GLIS3: variants seen among roughly 807,000 people sequenced by gnomAD.
The protein encoded by GLIS3 is zinc finger protein GLIS3.
In GLIS3, 53 loss-of-function variants were observed where a neutral mutation model predicts 78.6. The observed-to-expected ratio is 0.67, with a 90% CI of 0.54 to 0.85. The LOEUF is 0.85. Ranked by LOEUF, GLIS3 falls within the 40% of genes least tolerant of loss-of-function variation. The pLI is 0.00. For missense variants in GLIS3, 1,703 were observed against 1,231.1 expected, an observed-to-expected ratio of 1.38 and a Z score of -5.74; for synonymous variants, 684 against 509.9, an observed-to-expected ratio of 1.34 and a Z score of -4.60.
chr9:3,949,352 T>C (rs1816514245), intron 4 of GLIS3, among the ~76,000 whole-genome samples: 1 of 152,216 alleles, frequency 6.6e-6, no homozygotes, highest in South Asian at 2.1e-4. Flanking sequence ...TAACTAACTA[T>C]ACTTCTCAAA....
the GLIS3 span, among the ~76,000 whole-genome samples, chr9:4,362,356 G>T: frequency 2.6e-5 from 4 of 152,164 alleles, no homozygotes; most frequent in Non-Finnish European, 5.9e-5. Flanking sequence ...TGCACAACTG[G>T]AAATTATAAA....
At chr9:3,882,572 C>A (rs1479422455) in intron 7 of GLIS3, among the ~76,000 whole-genome samples, 1 of 152,150 alleles carries the variant, frequency 6.6e-6, no homozygotes, top group Non-Finnish European at 1.5e-5. Context: ...GGGCTGAGGG[C>A]TCCAGAATAT....
intron 2 of GLIS3, among the ~76,000 whole-genome samples, chr9:4,176,796 G>C (rs1317201681): frequency 6.6e-6 from 1 of 152,190 alleles, no homozygotes; most frequent in Non-Finnish European, 1.5e-5. Context: ...GCTCATTTTT[G>C]TATTTTTAGT....
Position 3,905,401 on chromosome 9 carries a change from T to C in GLIS3, c.1984-6566A>G, listed in dbSNP as rs371694222. 9.9e-5 allele frequency among the ~76,000 whole-genome samples: 15 copies of C among 152,268 alleles called. No homozygotes were observed. In the East Asian group the frequency reaches 1.5e-3, roughly 16 times the overall value. ...AGTCTCTAGCATACCTTATCACCAC[T>C]GTGTATATTCTGACACCATGCCCTT... On this transcript the variant is annotated intron_variant, in intron 6 of 10. Coordinates refer to ENST00000381971, the MANE Select transcript of GLIS3 (RefSeq NM_001042413.2).
chr9:3,946,766 A>G (rs1301131231), intron 4 of GLIS3, among the ~76,000 whole-genome samples: 1 of 152,222 alleles, frequency 6.6e-6, no homozygotes, highest in African/African-American at 2.4e-5. Flanking sequence ...GCAATAATTC[A>G]AGGCACATAA....
chr9:4,172,291 C>T (rs1325880790), intron 2 of GLIS3, among the ~76,000 whole-genome samples: 1 of 152,168 alleles, frequency 6.6e-6, no homozygotes. Flanking sequence ...TGTGCAACTC[C>T]TTACCTACAA....
At chr9:4,196,844 C>A (rs1049018399) in intron 2 of GLIS3, among the ~76,000 whole-genome samples, 1 of 152,182 alleles carries the variant, frequency 6.6e-6, no homozygotes, top group Non-Finnish European at 1.5e-5. Context: ...CAACCAAGTC[C>A]AGCTTGGCAA....
intron 2 of GLIS3, among the ~76,000 whole-genome samples, chr9:4,169,592 T>C (rs942408510): frequency 1.3e-5 from 2 of 152,264 alleles, no homozygotes; most frequent in Admixed American, 6.5e-5. Flanking sequence ...TATTTATCAC[T>C]GTTAGTTTCC....
chr9:4,449,930 G>A, the GLIS3 span, among the ~76,000 whole-genome samples: 31,566 of 152,112 alleles, frequency 0.21, 3,414 homozygotes, highest in Middle Eastern at 0.3. Context: ...AAACCAGAGC[G>A]CCTCTTCTCC....
chr9:4,405,575 C>G, the GLIS3 span, among the ~76,000 whole-genome samples: 2 of 151,986 alleles, frequency 1.3e-5, no homozygotes, highest in Non-Finnish European at 2.9e-5. Flanking sequence ...AATATTGAGG[C>G]TGTAATAAAA....
chr9:4,245,934 T>G (rs1823765445), intron 2 of GLIS3, among the ~76,000 whole-genome samples: 1 of 152,220 alleles, frequency 6.6e-6, no homozygotes, highest in African/African-American at 2.4e-5. Flanking sequence ...ATTTTTATTT[T>G]TTCAGACTGT....
the GLIS3 span, among the ~76,000 whole-genome samples, chr9:4,409,199 T>A: frequency 6.6e-6 from 1 of 152,312 alleles, no homozygotes; most frequent in Non-Finnish European, 1.5e-5. Context: ...GAGACCATTC[T>A]TTTGGAGTCT....
chr9:4,470,020 C>A, the GLIS3 span, among the ~76,000 whole-genome samples: 1 of 152,050 alleles, frequency 6.6e-6, no homozygotes, highest in Non-Finnish European at 1.5e-5. Flanking sequence ...TGGATAAATT[C>A]CTGGACACAT....
chr9:3,897,615 G>A (rs977311809), intron 7 of GLIS3, among the ~76,000 whole-genome samples: 1 of 152,124 alleles, frequency 6.6e-6, no homozygotes, highest in Non-Finnish European at 1.5e-5. Context: ...AACAGTAAGT[G>A]CTTAAAGCAA....
the GLIS3 span, among the ~76,000 whole-genome samples, chr9:4,361,883 T>C: frequency 6.6e-6 from 1 of 152,198 alleles, no homozygotes; most frequent in East Asian, 1.9e-4. Flanking sequence ...ACCTTGTAAA[T>C]TGAAGTTTGT....
intron 4 of GLIS3, among the ~76,000 whole-genome samples, chr9:3,939,375 A>T (rs755527332): frequency 5.3e-5 from 8 of 152,234 alleles, no homozygotes; most frequent in Non-Finnish European, 1.0e-4. Context: ...TAAGACATAA[A>T]CTATATGTAA....
intron 4 of GLIS3, among the ~76,000 whole-genome samples, chr9:4,011,868 A>G (rs72685693): frequency 6.6e-6 from 1 of 152,168 alleles, no homozygotes; most frequent in Non-Finnish European, 1.5e-5. Flanking sequence ...CATACCCGCC[A>G]AGAGATTGGT....
At chr9:4,059,829 T>TGTCAGA in intron 4 of GLIS3, among the ~76,000 whole-genome samples, 1 of 100,648 alleles carries the variant, frequency 9.9e-6, no homozygotes. Context: ...TGTGTGTGTG[T>TGTCAGA]GAGAGAGAGA....
At chr9:4,405,896 G>T in the GLIS3 span, among the ~76,000 whole-genome samples, 122 of 152,292 alleles carry the variant, frequency 8.0e-4, no homozygotes, top group South Asian at 0.01. Context: ...TTATCCCAGG[G>T]ATGCAAGGAT....
Sources: gnomAD v4.1 joint callset for allele counts (sites outside exome capture counted in the v4.1 genomes callset) on GRCh38, gnomAD v4.1.1 for gene constraint, MANE v1.5 for transcripts, NCBI Gene and HGNC (gene_info 2026-07-23, HGNC 2026-07-21) for gene names.